ST8SIA5: variants seen among roughly 807,000 people sequenced by gnomAD.
The protein encoded by ST8SIA5 is ST8 alpha-N-acetyl-neuraminide alpha-2,8-sialyltransferase 5.
A neutral mutation model predicts 40.2 loss-of-function variants in ST8SIA5; 24 were observed. That is an observed-to-expected ratio of 0.60 (90% CI 0.43 to 0.84). The LOEUF is 0.84. ST8SIA5 is among the 40% of genes least tolerant of loss of function. The probability of loss-of-function intolerance (pLI) is 0.00; values close to 1 mark genes in which losing one functional copy is unlikely to be tolerated. For synonymous variants in ST8SIA5, 198 were observed against 201.8 expected, an observed-to-expected ratio of 0.98 and a Z score of 0.16; for missense variants, 465 against 498.5, an observed-to-expected ratio of 0.93 and a Z score of 0.64.
Position 46,674,505 on chromosome 18 carries a change from G to T in ST8SIA5, c.*5537C>A, listed in dbSNP as rs1370224148. On this transcript the variant is annotated 3_prime_UTR_variant, in exon 7 of 7. Transcript: ENST00000315087. ...AAGGTGTTACTCAGTTTATTAGCGG[G>T]GTATCCTGAACTGCTGGAGTCCCCC... 1 of 152,148 alleles carries T rather than the reference G, an allele frequency of 6.6e-6. No homozygotes were observed. The highest frequency in any genetic ancestry group is 2.4e-5 in the African/African-American group (1 of 41,418). 9.4% of individuals were successfully genotyped at this position (152,148 alleles called of 1,614,324 possible). A position where few individuals can be genotyped will look rare whatever the true frequency, so the allele number is the denominator to read the frequency against.
chr18:46,705,607 G>C (rs2039662304), intron 1 of ST8SIA5, among the ~76,000 whole-genome samples: 1 of 152,232 alleles, frequency 6.6e-6, no homozygotes, highest in Admixed American at 6.5e-5. Flanking sequence ...AGCACGGCTG[G>C]TGTCCCCTGG....
intron 2 of ST8SIA5, among the ~76,000 whole-genome samples, chr18:46,704,199 A>G (rs1034900219): frequency 1.3e-5 from 2 of 152,212 alleles, no homozygotes; most frequent in Non-Finnish European, 2.9e-5. Context: ...CAAGAGGGCA[A>G]CGCTTAACCC....
intron 1 of ST8SIA5, among the ~76,000 whole-genome samples, chr18:46,743,616 A>G (rs534149667): frequency 7.2e-5 from 11 of 152,356 alleles, no homozygotes; most frequent in African/African-American, 2.6e-4. Context: ...GAGGGGGAGA[A>G]TGGAACCAAG....
intron 2 of ST8SIA5, among the ~76,000 whole-genome samples, chr18:46,696,950 G>A (rs144075811): frequency 1.4e-4 from 21 of 152,154 alleles, no homozygotes; most frequent in African/African-American, 5.1e-4. Context: ...AATTCTAAGA[G>A]GTGGGTGGAG....
rs2039360152 is a variant in ST8SIA5, at chr18:46,679,176, A to C, written c.*866T>G. 6.6e-6 allele frequency: 1 copy of C among 152,256 alleles called. No homozygotes were observed. The highest frequency in any genetic ancestry group is 6.5e-5 in the Admixed American group (1 of 15,286). The allele number at this position is 152,256 out of a possible 1,614,324, so 9.4% of individuals were successfully genotyped here. A position where few individuals can be genotyped will look rare whatever the true frequency, so the allele number is the denominator to read the frequency against. ...TGGTTTAAATGGAGCTGAAAATAGGAAGACAAAAGAGGAAGCCAATTGCTA... is the reference window on the plus strand; with the variant it reads ...TGGTTTAAATGGAGCTGAAAATAGGCAGACAAAAGAGGAAGCCAATTGCTA... On this transcript the variant is annotated 3_prime_UTR_variant, in exon 7 of 7. Transcript: ENST00000315087.
At chr18:46,702,195 A>G (rs1266623326) in intron 2 of ST8SIA5, among the ~76,000 whole-genome samples, 1 of 151,776 alleles carries the variant, frequency 6.6e-6, no homozygotes, top group Non-Finnish European at 1.5e-5. Flanking sequence ...TGAAATCTTG[A>G]AGGTGTGCTT....
At position 46,678,370 on chromosome 18, in the gene ST8SIA5, G is replaced by A. The variant is rs2144451017; in HGVS notation, c.*1672C>T. 6.6e-6 allele frequency: 1 copy of A among 152,632 alleles called. No individual in the cohort carries two copies. Among genetic ancestry groups the A allele is most frequent in the African/African-American group, 2.4e-5 (1 of 41,576 alleles). 9.5% of individuals were successfully genotyped at this position (152,632 alleles called of 1,614,324 possible). Reference sequence around the variant, plus strand: ...CCAAGAACGGAGCCCTGGATCAGGAGCCTGGAGGCCTGGGATAAAGCCTGC... The same window carrying A: ...CCAAGAACGGAGCCCTGGATCAGGAACCTGGAGGCCTGGGATAAAGCCTGC... On this transcript the variant is annotated 3_prime_UTR_variant, in exon 7 of 7. Coordinates refer to ENST00000315087, the MANE Select transcript of ST8SIA5 (RefSeq NM_013305.6).
At chr18:46,710,409 TTCTTTCTTTTTCTTTC>T (rs1568263130) in intron 1 of ST8SIA5, among the ~76,000 whole-genome samples, 1 of 120,552 alleles carries the variant, frequency 8.3e-6, no homozygotes, top group African/African-American at 3.4e-5. Flanking sequence ...CTTTCTTTCT[TTCTTTCTTTTTCTTTC>T]TCTCTCTTTC....
chr18:46,679,799 A>C lies in ST8SIA5; in HGVS notation c.*243T>G. On this transcript the variant is annotated 3_prime_UTR_variant, in exon 7 of 7. Transcript: ENST00000315087. ...GGCCCAGCAGCATGCTAGCCAGGGC[A>C]GGTGGACGCACTGGGCGGATGCACC... The C allele has an allele frequency of 1.8e-6, 1 of 546,852 alleles. No individual in the cohort carries two copies. The highest frequency in any genetic ancestry group is 3.3e-6 in the Non-Finnish European group (1 of 306,402). The allele number at this position is 546,852 out of a possible 1,614,324, so 33.9% of individuals were successfully genotyped here.
chr18:46,687,246 A>G (rs1323951356), intron 4 of ST8SIA5, among the ~76,000 whole-genome samples: 1 of 152,216 alleles, frequency 6.6e-6, no homozygotes, highest in Non-Finnish European at 1.5e-5. Context: ...TTGGCATCTA[A>G]TAAGATTGAA....
chr18:46,677,557 C>T lies in ST8SIA5; in HGVS notation c.*2485G>A, dbSNP rs144399489. 2.6e-4 allele frequency: 40 copies of T among 152,308 alleles called. No homozygotes were observed. The highest frequency in any genetic ancestry group is 7.7e-4 in the African/African-American group (32 of 41,568). The allele number at this position is 152,308 out of a possible 1,614,324, so 9.4% of individuals were successfully genotyped here. ...CCCCAAAATAAGGACATTGTACAGA[C>T]GCTGAAGATTTTTACAAAGCTTCTA... is the stretch of plus-strand genomic sequence containing the variant. On this transcript the variant is annotated 3_prime_UTR_variant, in exon 7 of 7. Transcript: ENST00000315087.
intron 1 of ST8SIA5, among the ~76,000 whole-genome samples, chr18:46,733,040 C>T (rs1375138105): frequency 6.6e-6 from 1 of 152,070 alleles, no homozygotes; most frequent in Non-Finnish European, 1.5e-5. Flanking sequence ...CAGAAGCCTC[C>T]AGAAAGCAGT....
intron 2 of ST8SIA5, among the ~76,000 whole-genome samples, chr18:46,695,071 A>G (rs1441329923): frequency 6.6e-6 from 1 of 151,770 alleles, no homozygotes; most frequent in Non-Finnish European, 1.5e-5. Flanking sequence ...AGGCAGGAGA[A>G]TCGCTTGAAC....
intron 1 of ST8SIA5, among the ~76,000 whole-genome samples, chr18:46,745,565 G>A (rs1034604165): frequency 2.6e-5 from 4 of 152,152 alleles, no homozygotes; most frequent in Admixed American, 1.3e-4. Flanking sequence ...TGATATTGAG[G>A]CAATAATTAA....
intron 1 of ST8SIA5, among the ~76,000 whole-genome samples, chr18:46,717,982 C>A (rs1456719184): frequency 1.3e-5 from 2 of 152,200 alleles, no homozygotes; most frequent in Non-Finnish European, 2.9e-5. Context: ...AATGTCTTCA[C>A]AGGCCTTCCT....
intron 1 of ST8SIA5, among the ~76,000 whole-genome samples, chr18:46,723,950 AT>A (rs529031694): frequency 6.6e-6 from 1 of 151,932 alleles, no homozygotes; most frequent in Non-Finnish European, 1.5e-5. Flanking sequence ...AAAAAGCAGA[AT>A]TTTTTTTCAA....
intron 1 of ST8SIA5, among the ~76,000 whole-genome samples, chr18:46,706,594 C>T (rs563655186): frequency 2.0e-5 from 3 of 152,268 alleles, no homozygotes; most frequent in Non-Finnish European, 2.9e-5. Context: ...TTCCAAACCA[C>T]GAGCATCTCA....
At chr18:46,742,219 A>C (rs1053589711) in intron 1 of ST8SIA5, among the ~76,000 whole-genome samples, 1 of 152,152 alleles carries the variant, frequency 6.6e-6, no homozygotes, top group African/African-American at 2.4e-5. Flanking sequence ...ATAAGCAAAC[A>C]TATTCAATGA....
chr18:46,740,682 A>T (rs1265069389), intron 1 of ST8SIA5, among the ~76,000 whole-genome samples: 1 of 152,240 alleles, frequency 6.6e-6, no homozygotes, highest in Non-Finnish European at 1.5e-5. Flanking sequence ...AAATTAGAAA[A>T]TAATTGGAAT....
Sources: allele counts gnomAD v4.1 joint callset (sites outside exome capture counted in the v4.1 genomes callset), GRCh38; gene constraint gnomAD v4.1.1; transcripts MANE v1.5; gene names NCBI Gene and HGNC (gene_info 2026-07-23, HGNC 2026-07-21).